Variants in RAD52 observed in about 807,000 individuals in gnomAD.
The protein encoded by RAD52 is RAD52 DNA repair protein.
A neutral mutation model predicts 55.5 loss-of-function variants in RAD52; 47 were observed. The observed-to-expected ratio is 0.85, with a 90% CI of 0.67 to 1.08. The LOEUF is 1.08. RAD52 is among the 50% of genes least tolerant of loss of function. RAD52 has a pLI of 0.00. For missense variants in RAD52, 468 were observed against 522.8 expected (o/e 0.90, Z 1.02); for synonymous variants, 184 against 198.9 (o/e 0.92, Z 0.63).
chr12:923,734 G>A lies in RAD52; in HGVS notation c.543+1716C>T, dbSNP rs553928327. ...ACTACTCGACCACACACTAAAAATA[G>A]TTAAAATGTGATGTGTTTTACTACA... is the stretch of plus-strand genomic sequence containing the variant. On this transcript the variant is annotated intron_variant, in intron 7 of 11. Transcript: ENST00000358495. 3.9e-5 allele frequency among the ~76,000 whole-genome samples: 6 copies of A among 152,154 alleles called. No homozygotes were observed. The East Asian group carries it at 1.2e-3, about 29-fold the overall frequency.
chr12:914,297 T>A (rs1956242138), intron 10 of RAD52, 134 bp downstream of exon 10: 2 of 1,374,928 alleles, frequency 1.5e-6, no homozygotes, highest in Admixed American at 4.9e-5. Context: ...AAAGAGGAAC[T>A]GGACATATGC....
At chr12:948,429 G>T (rs1194623753) in intron 1 of RAD52, among the ~76,000 whole-genome samples, 1 of 152,276 alleles carries the variant, frequency 6.6e-6, no homozygotes, top group South Asian at 2.1e-4. Context: ...ACTGGGTGTG[G>T]TGGCTCACAC....
At chr12:977,468 A>G (rs1489359963) in intron 1 of RAD52, among the ~76,000 whole-genome samples, 1 of 152,122 alleles carries the variant, frequency 6.6e-6, no homozygotes, top group African/African-American at 2.4e-5. Context: ...CACCATTTCA[A>G]GTTCTTACCA....
At chr12:924,069 AG>A (rs1956888390) in intron 7 of RAD52, among the ~76,000 whole-genome samples, 1 of 145,632 alleles carries the variant, frequency 6.9e-6, no homozygotes, top group Admixed American at 6.9e-5. Flanking sequence ...AAAAAAAAAA[AG>A]AAAAAGAAAA....
At chr12:947,577 AACAG>A (rs969097853) in intron 1 of RAD52, among the ~76,000 whole-genome samples, 2 of 147,758 alleles carry the variant, frequency 1.4e-5, no homozygotes, top group African/African-American at 5.0e-5. Context: ...CCCAAAAAAC[AACAG>A]ACAAACAAAA....
In RAD52 at chr12:916,821, C is replaced by A; in HGVS notation, c.544-1G>T. ...TAGTTAAATCCACTTCAAGAGGCAACTAGAAGGAAAGAAGAAAAACAAATT... is the reference window on the plus strand; with the variant it reads ...TAGTTAAATCCACTTCAAGAGGCAAATAGAAGGAAAGAAGAAAAACAAATT... On this transcript the variant is annotated splice_acceptor_variant, in intron 7 of 11. Transcript: ENST00000358495. LOFTEE classifies it high-confidence loss of function. 1 of 1,593,040 alleles carries A rather than the reference C, an allele frequency of 6.3e-7. No homozygotes were observed. Among genetic ancestry groups the A allele is most frequent in the South Asian group, 1.1e-5 (1 of 90,672 alleles).
At position 916,731 on chromosome 12, in the gene RAD52, G is replaced by A. The variant is rs1565648828; in HGVS notation, c.633C>T (p.Asn211=). The A allele has an allele frequency of 1.2e-6, 2 of 1,614,180 alleles. No individual in the cohort carries two copies. Among genetic ancestry groups the A allele is most frequent in the East Asian group, 2.2e-5 (1 of 44,880 alleles). Residue 211 remains asparagine (N), a synonymous_variant, in exon 8 of 12, where the codon AAC becomes AAT. Transcript: ENST00000358495. ...EEARYNSCRP[N]MALGHPQLQQ... Reference sequence around the variant, plus strand: ...GCAGCTGTGGGTGTCCCAGGGCCATGTTCGGTCGGCAGCTGTTGTATCTTG... The same window carrying A: ...GCAGCTGTGGGTGTCCCAGGGCCATATTCGGTCGGCAGCTGTTGTATCTTG...
intron 6 of RAD52, among the ~76,000 whole-genome samples, chr12:926,618 C>T (rs1341630991): frequency 6.6e-6 from 1 of 152,180 alleles, no homozygotes; most frequent in Non-Finnish European, 1.5e-5. Flanking sequence ...TTAGAAGCTT[C>T]CTGAGGCCTC....
intron 7 of RAD52, among the ~76,000 whole-genome samples, 172 bp downstream of exon 7, chr12:925,278 A>G (rs897850745): frequency 2.6e-5 from 4 of 152,126 alleles, no homozygotes; most frequent in African/African-American, 9.7e-5. Context: ...AAAAAGGAAA[A>G]TGTTGGGATT....
chr12:980,838 T>C (rs1174369919), intron 1 of RAD52, among the ~76,000 whole-genome samples: 1 of 152,126 alleles, frequency 6.6e-6, no homozygotes, highest in African/African-American at 2.4e-5. Flanking sequence ...TACCACAGAC[T>C]GGGTATGACC....
rs1956130873 is a variant in RAD52 at position 912,268 on chromosome 12, A to G, written c.*1123T>C. ...ACGTGACCTCGTGTGACAAGTCGCA[A>G]AGCACCAGGCATACAACAGTTTATG... On this transcript the variant is annotated 3_prime_UTR_variant, in exon 12 of 12. Coordinates refer to ENST00000358495, the MANE Select transcript of RAD52 (RefSeq NM_134424.4). 5.1e-6 allele frequency: 1 copy of G among 197,686 alleles called. No individual in the cohort carries two copies. The highest frequency in any genetic ancestry group is 1.9e-4 in the South Asian group (1 of 5,212). 12.2% of individuals were successfully genotyped at this position (197,686 alleles called of 1,614,324 possible). A position where few individuals can be genotyped will look rare whatever the true frequency, so the allele number is the denominator to read the frequency against.
At chr12:942,519 C>T (rs1196930856) in intron 1 of RAD52, among the ~76,000 whole-genome samples, 3 of 152,062 alleles carry the variant, frequency 2.0e-5, no homozygotes, top group Non-Finnish European at 4.4e-5. Flanking sequence ...GAGACCGAGG[C>T]GGGTGGATCA....
At chr12:921,164 T>TA (rs916494544) in intron 7 of RAD52, among the ~76,000 whole-genome samples, 35 of 142,566 alleles carry the variant, frequency 2.5e-4, no homozygotes, top group South Asian at 1.1e-3. Context: ...CACACATAGT[T>TA]AAAAAAAAAA....
chr12:928,298 G>A (rs1378264148), intron 5 of RAD52, among the ~76,000 whole-genome samples: 1 of 152,160 alleles, frequency 6.6e-6, no homozygotes. Context: ...GATCACCTGA[G>A]GTTGTGAGTT....
intron 5 of RAD52, among the ~76,000 whole-genome samples, chr12:928,584 A>G (rs1419306478): frequency 1.3e-5 from 2 of 152,182 alleles, no homozygotes; most frequent in Non-Finnish European, 2.9e-5. Context: ...ACTGAAAAGA[A>G]AAAACAGCAC....
chr12:927,370 G>A (rs935466862), intron 5 of RAD52, 107 bp from the exon 6 acceptor site: 18 of 837,462 alleles, frequency 2.1e-5, no homozygotes, highest in African/African-American at 5.0e-5. Flanking sequence ...CCCACCTGGC[G>A]GCCTTGCTAC....
intron 1 of RAD52, among the ~76,000 whole-genome samples, chr12:972,683 G>A (rs370450293): frequency 6.7e-6 from 1 of 149,570 alleles, no homozygotes; most frequent in African/African-American, 2.5e-5. Flanking sequence ...GGAGAATGGC[G>A]TGAACCCAGG....
At chr12:915,419 T>C (rs1272014653) in intron 9 of RAD52, among the ~76,000 whole-genome samples, 1 of 152,240 alleles carries the variant, frequency 6.6e-6, no homozygotes, top group East Asian at 1.9e-4. Context: ...GCAAGTCCTC[T>C]GTGAATCTGC....
At chr12:981,771 T>TAAATAAAATA (rs59388253) in intron 1 of RAD52, among the ~76,000 whole-genome samples, 19,780 of 139,536 alleles carry the variant, frequency 0.14, 2,144 homozygotes, top group African/African-American at 0.28. Flanking sequence ...AATAAATAAA[T>TAAATAAAATA]AAATAAAATA....
Sources: allele counts gnomAD v4.1 joint callset (sites outside exome capture counted in the v4.1 genomes callset), GRCh38; gene constraint gnomAD v4.1.1; transcripts MANE v1.5; gene names NCBI Gene and HGNC (gene_info 2026-07-23, HGNC 2026-07-21).